The following TDRD12 variants were observed in gnomAD, a reference collection of about 807,000 sequenced individuals.
TDRD12 encodes putative ATP-dependent RNA helicase TDRD12.
A neutral mutation model predicts 133.5 loss-of-function variants in TDRD12; 158 were observed. The observed-to-expected ratio is 1.18, with a 90% CI of 1.04 to 1.35. The LOEUF (loss-of-function observed/expected upper bound fraction) is 1.35. Ranked by LOEUF, TDRD12 falls within the 40% of genes most tolerant of loss-of-function variation. The probability of loss-of-function intolerance (pLI) is 0.00; values close to 1 mark genes in which losing one functional copy is unlikely to be tolerated. For synonymous variants in TDRD12, 460 were observed against 477.9 expected (o/e 0.96, Z 0.49); for missense variants, 1,443 against 1,321.3 (o/e 1.09, Z -1.43).
At chr19:32,772,703 T>G in intron 8 of TDRD12, 50 bp from the exon 9 acceptor site, 1 of 1,085,590 alleles carries the variant, frequency 9.2e-7, no homozygotes, top group Non-Finnish European at 1.3e-6. Context: ...CTATTTTCTA[T>G]TAATATCACT....
intron 24 of TDRD12, 88 bp from the exon 25 acceptor site, chr19:32,813,596 A>G (rs1227549803): frequency 1.0e-5 from 7 of 692,768 alleles, no homozygotes; most frequent in East Asian, 2.7e-5. Flanking sequence ...AATGAAATGC[A>G]TGGAATATTT....
exon 16 of TDRD12, chr19:32,798,380 T>A: frequency 6.5e-7 from 1 of 1,536,004 alleles, no homozygotes; most frequent in Non-Finnish European, 8.7e-7. Context: ...TTCCTCAGGC[T>A]CTGCCACCTG....
At chr19:32,736,636 C>T (rs1395623844) in intron 2 of TDRD12, among the ~76,000 whole-genome samples, 1 of 152,254 alleles carries the variant, frequency 6.6e-6, no homozygotes, top group Non-Finnish European at 1.5e-5. Flanking sequence ...GTGAGGTTCT[C>T]TAGAACCTGT....
intron 21 of TDRD12, 129 bp downstream of exon 21, chr19:32,803,271 C>G (rs1971453152): frequency 3.0e-6 from 2 of 664,382 alleles, no homozygotes; most frequent in Non-Finnish European, 2.5e-6. Context: ...TCTGGGGGTT[C>G]CCTCGCACTC....
At chr19:32,821,609 C>T (rs1043231147), downstream of TDRD12, among the ~76,000 whole-genome samples, 17 of 152,206 alleles carry the variant, frequency 1.1e-4, no homozygotes, top group African/African-American at 4.1e-4. Context: ...AACTCCTGGC[C>T]TCAAGTGATC....
At chr19:32,723,191 C>T (rs996910289) in intron 1 of TDRD12, among the ~76,000 whole-genome samples, 1 of 152,010 alleles carries the variant, frequency 6.6e-6, no homozygotes, top group Non-Finnish European at 1.5e-5. Context: ...TGATTATATT[C>T]CTGTTATATT....
rs1568486131 is a variant in TDRD12, at chr19:32,800,727, CTTGA to C, written c.2036_2039del (p.Leu679SerfsTer6). On this transcript the variant is annotated frameshift_variant, in exon 18 of 28. Transcript: ENST00000444215. LOFTEE classifies it high-confidence loss of function. ...TTATTCCAAGTCAGGCACAAAAGACCTTGATCTTCACCTGCTCTGTAGCTGAAAC... is the reference window on the plus strand; with the variant it reads ...TTATTCCAAGTCAGGCACAAAAGACCTCTTCACCTGCTCTGTAGCTGAAAC... The C allele has an allele frequency of 6.5e-7, 1 of 1,535,776 alleles. No homozygotes were observed. The highest frequency in any genetic ancestry group is 1.2e-5 in the South Asian group (1 of 83,972).
chr19:32,782,020 A>T (rs1970782780), intron 11 of TDRD12, among the ~76,000 whole-genome samples: 1 of 151,354 alleles, frequency 6.6e-6, no homozygotes, highest in Non-Finnish European at 1.5e-5. Context: ...CGGAATGTGC[A>T]GTTTTGTTAC....
chr19:32,719,995 C>A lies in TDRD12; in HGVS notation c.-78C>A, dbSNP rs1392935942. On this transcript the variant is annotated 5_prime_UTR_variant, in exon 1 of 28. Coordinates refer to ENST00000444215, the Ensembl canonical transcript of TDRD12. ...ACTCGCGGCGGGGGCCTGGCCGGGG[C>A]GGACGCAGCCAGCCTCACCCGCGAC... 3 of 1,510,652 alleles carry A rather than the reference C, an allele frequency of 2.0e-6. No homozygotes were observed. In the East Asian group the frequency reaches 7.4e-5, roughly 37 times the overall value. 93.6% of individuals were successfully genotyped at this position (1,510,652 alleles called of 1,614,324 possible).
At chr19:32,745,509 A>T (rs1359450699) in intron 4 of TDRD12, among the ~76,000 whole-genome samples, 1 of 152,226 alleles carries the variant, frequency 6.6e-6, no homozygotes, top group Admixed American at 6.5e-5. Flanking sequence ...CCCACACAAT[A>T]TTGAATATCG....
At chr19:32,822,673 G>T (rs546412474), downstream of TDRD12, among the ~76,000 whole-genome samples, 7 of 152,014 alleles carry the variant, frequency 4.6e-5, no homozygotes, top group African/African-American at 1.7e-4. Context: ...TGTGAACCCT[G>T]GAGGCAGAGC....
Position 32,758,018 on chromosome 19 carries a change from C to T in TDRD12, c.865+888C>T, listed in dbSNP as rs567574662. ...CCTCCATGGCTGGCAGTGCCCACCC[C>T]GTCCCCGACCTGGGCCTCACTCAGC... On this transcript the variant is annotated intron_variant, in intron 8 of 27. Transcript: ENST00000444215. 5.8e-4 allele frequency among the ~76,000 whole-genome samples: 89 copies of T among 152,214 alleles called. 1 individual carries two copies. Among genetic ancestry groups the T allele is most frequent in the Admixed American group, 9.8e-4 (15 of 15,280 alleles).
chr19:32,815,651 A>G (rs1568495409), intron 26 of TDRD12, 31 bp downstream of exon 26: 1 of 1,515,940 alleles, frequency 6.6e-7, no homozygotes, highest in Non-Finnish European at 8.8e-7. Context: ...TTTTTGGAAG[A>G]GTTGTTTTTT....
At chr19:32,814,923 C>A (rs2145739472) in intron 25 of TDRD12, among the ~76,000 whole-genome samples, 1 of 152,344 alleles carries the variant, frequency 6.6e-6, no homozygotes, top group East Asian at 1.9e-4. Context: ...CACACTGCCA[C>A]CAACAGTGCC....
chr19:32,744,499 CAAA>C (rs10644749), intron 4 of TDRD12, among the ~76,000 whole-genome samples: 5 of 38,098 alleles, frequency 1.3e-4, no homozygotes, highest in African/African-American at 5.2e-4. Flanking sequence ...GACTCCGTCT[CAAA>C]AAAAAAAAAA....
chr19:32,817,941 T>G (rs1967237873), intron 26 of TDRD12, 148 bp from the exon 27 acceptor site: 1 of 648,286 alleles, frequency 1.5e-6, no homozygotes. Flanking sequence ...CTGTAGGGCC[T>G]GGTAGCTTTA....
At chr19:32,756,981 AT>A in intron 7 of TDRD12, 56 bp from the exon 8 acceptor site, 1 of 1,447,966 alleles carries the variant, frequency 6.9e-7, no homozygotes, top group South Asian at 1.2e-5. Flanking sequence ...ACGAGTTCAC[AT>A]TTTTATTTTG....
chr19:32,826,822 A>T, intron 9 of TDRD12, 73 bp downstream of exon 32: 1 of 974,374 alleles, frequency 1.0e-6, no homozygotes, highest in Non-Finnish European at 1.3e-6. Flanking sequence ...TCACCCACTT[A>T]GGAATTCAGC....
At chr19:32,731,817 G>A in exon 2 of TDRD12, 2 of 1,551,468 alleles carry the variant, frequency 1.3e-6, no homozygotes, top group Non-Finnish European at 1.7e-6. Flanking sequence ...ATAGTGCCAT[G>A]AATGACTTCT....
Sources: gnomAD v4.1 joint callset for allele counts (sites outside exome capture counted in the v4.1 genomes callset) on GRCh38, gnomAD v4.1.1 for gene constraint, MANE v1.5 for transcripts, NCBI Gene and HGNC (gene_info 2026-07-23, HGNC 2026-07-21) for gene names.